The following POM121 variants were observed in gnomAD, a reference collection of about 807,000 sequenced individuals.
POM121 encodes the protein nuclear envelope pore membrane protein POM 121.
In POM121, 32 loss-of-function variants were observed where a neutral mutation model predicts 81.3. The observed-to-expected ratio is 0.39, with a 90% CI of 0.30 to 0.53. The LOEUF (loss-of-function observed/expected upper bound fraction) is 0.53. Ranked by LOEUF, POM121 falls within the 20% of genes least tolerant of loss-of-function variation. The probability of loss-of-function intolerance (pLI) is 0.66; values close to 1 mark genes in which losing one functional copy is unlikely to be tolerated. For missense variants in POM121, 1,138 were observed against 1,614.6 expected, an observed-to-expected ratio of 0.70 and a Z score of 5.06; for synonymous variants, 514 against 694.2, an observed-to-expected ratio of 0.74 and a Z score of 4.08.
At chr7:72,893,734 T>A (rs1791550054) in intron 3 of POM121, among the ~76,000 whole-genome samples, 1 of 152,184 alleles carries the variant, frequency 6.6e-6, no homozygotes, top group Non-Finnish European at 1.5e-5. Flanking sequence ...GTAGTAGGTG[T>A]GGAGTGTGGC....
intron 5 of POM121, among the ~76,000 whole-genome samples, chr7:72,937,740 C>T (rs1422477964): frequency 6.6e-6 from 1 of 152,158 alleles, no homozygotes; most frequent in Admixed American, 6.5e-5. Flanking sequence ...AGACTATTTG[C>T]AGTGTCCGCT....
In POM121 at chr7:72,892,917, G is replaced by A. The variant is rs181646024; in HGVS notation, c.-216+1807G>A. Among the ~76,000 whole-genome samples the A allele has an allele frequency of 1.4e-4, 22 of 151,834 alleles. No homozygotes were observed. In the South Asian group the frequency reaches 2.3e-3, roughly 16 times the overall value. The stretch of plus-strand genomic sequence containing the variant: ...CCTGACCTTGTGATCCACCTGCCTC[G>A]GCCTCTCAAAGTGCTAGGATTACAG... On this transcript the variant is annotated intron_variant, in intron 3 of 15. Coordinates refer to the POM121 transcript ENST00000395270.
Position 72,943,159 on chromosome 7 carries a change from G to T in POM121, c.3166G>T (p.Ala1056Ser). The T allele has an allele frequency of 6.2e-7, 1 of 1,613,410 alleles. No individual in the cohort carries two copies. Among genetic ancestry groups the T allele is most frequent in the Non-Finnish European group, 8.5e-7 (1 of 1,179,768 alleles). The change falls in exon 11 of 13, where the codon GCC becomes TCC. Residue 1056 changes from alanine (A) to serine (S), a missense_variant. Around this residue, in one of 7 missense-constraint regions of POM121, gnomAD observed 336 missense variants for 344.3 expected, o/e 0.98. Coordinates refer to ENST00000434423, the MANE Select transcript of POM121 (RefSeq NM_001387691.1). ...AFGAPASSQPAFGGSTAVFFG... is the reference protein window; with the variant it reads ...AFGAPASSQPSFGGSTAVFFG... ...CGGCGCTCCCGCCAGCTCACAGCCC[G>T]CCTTTGGCGGCTCCACTGCTGTCTT...
intron 11 of POM121, among the ~76,000 whole-genome samples, chr7:72,944,582 C>G (rs1256235266): frequency 6.6e-6 from 1 of 152,030 alleles, no homozygotes; most frequent in Non-Finnish European, 1.5e-5. Context: ...TGGGTGTAGA[C>G]CTAAGGTCAG....
At position 72,925,104 on chromosome 7, in the gene POM121, C is replaced by T; in HGVS notation, c.-18C>T. On this transcript the variant is annotated 5_prime_UTR_variant, in exon 1 of 13. Transcript: ENST00000434423. ...GCACGCTGGGATATTTAAGTCTCCT[C>T]CGCGGCGCGGAGCCGCGATGTCTCC... 2 of 1,398,602 alleles carry T rather than the reference C, an allele frequency of 1.4e-6. No homozygotes were observed. The highest frequency in any genetic ancestry group is 1.8e-6 in the Non-Finnish European group (2 of 1,091,306). The allele number at this position is 1,398,602 out of a possible 1,614,324, so 86.6% of individuals were successfully genotyped here.
At chr7:72,918,261 TC>T (rs1202976813) in intron 4 of POM121, among the ~76,000 whole-genome samples, 2 of 151,958 alleles carry the variant, frequency 1.3e-5, no homozygotes, top group Non-Finnish European at 2.9e-5. Flanking sequence ...AGACTCCCTT[TC>T]CCGGTCTGCT....
At chr7:72,922,962 CTG>C (rs1794955908), upstream of POM121, among the ~76,000 whole-genome samples, 1 of 151,828 alleles carries the variant, frequency 6.6e-6, no homozygotes, top group African/African-American at 2.4e-5. Context: ...TCTTCTTCCC[CTG>C]TTACCCAGGT....
upstream of POM121, among the ~76,000 whole-genome samples, chr7:72,923,638 C>T (rs370088049): frequency 9.0e-6 from 1 of 111,170 alleles, no homozygotes; most frequent in African/African-American, 3.5e-5. Context: ...CTCGCTCTGT[C>T]GCCCAGGCTG....
chr7:72,897,625 C>T (rs1792095277), intron 3 of POM121, among the ~76,000 whole-genome samples: 1 of 152,198 alleles, frequency 6.6e-6, no homozygotes, highest in African/African-American at 2.4e-5. Flanking sequence ...CTGGTCAAAA[C>T]AGGGGTCCTG....
intron 1 of POM121, among the ~76,000 whole-genome samples, chr7:72,886,148 A>C (rs1790683987): frequency 6.7e-6 from 1 of 149,314 alleles, no homozygotes; most frequent in African/African-American, 2.6e-5. Flanking sequence ...GTTGTTAATT[A>C]AACAGTATTT....
rs1185764257 is a variant in POM121 at position 72,925,368 on chromosome 7, G to T, written c.247G>T (p.Val83Phe). 6.6e-7 allele frequency: 1 copy of T among 1,522,954 alleles called. No homozygotes were observed. 94.3% of individuals were successfully genotyped at this position (1,522,954 alleles called of 1,614,324 possible). The stretch of plus-strand genomic sequence containing the variant: ...AGGTTCGCGCCCCTTGTCCTCCTTC[G>T]TTCGGAAGGCGCGTCATCGGCGCCC... ...PRGSRPLSSF[V>F]RKARHRRPLS... Residue 83 changes from valine to phenylalanine, a missense_variant, in exon 1 of 13, where the codon GTT becomes TTT. Physicochemically the swap from Val to Phe is conservative, Grantham distance 50. This residue lies in a region of POM121 where 646 missense variants were observed against 633.5 expected (regional missense o/e 1.02). Coordinates refer to ENST00000434423, the MANE Select transcript of POM121 (RefSeq NM_001387691.1).
chr7:72,895,066 C>T (rs1484320896), intron 3 of POM121, among the ~76,000 whole-genome samples: 3 of 152,056 alleles, frequency 2.0e-5, no homozygotes, highest in African/African-American at 7.2e-5. Flanking sequence ...GACCTCAAGC[C>T]GTCCTCCCAC....
Position 72,945,831 on chromosome 7 carries a change from G to T in POM121, c.3652+123G>T, listed in dbSNP as rs1248919588. 2.7e-6 allele frequency: 4 copies of T among 1,458,836 alleles called. No homozygotes were observed. In the Admixed American group the frequency reaches 1.0e-4, roughly 37 times the overall value. The allele number at this position is 1,458,836 out of a possible 1,614,324, so 90.4% of individuals were successfully genotyped here. A position where few individuals can be genotyped will look rare whatever the true frequency, so the allele number is the denominator to read the frequency against. On this transcript the variant is annotated intron_variant, in intron 12 of 12. Transcript: ENST00000434423. ...GTTCAGCACAGGAAAGACATTTCGG[G>T]TTAGGAGTCCAGCACAACCCAGGGA...
intron 6 of POM121, 63 bp from the exon 7 acceptor site, chr7:72,939,273 A>C: frequency 1.3e-6 from 2 of 1,584,562 alleles, no homozygotes; most frequent in Middle Eastern, 1.7e-4. Context: ...AGGGTGTGAG[A>C]AATTATTTAA....
At chr7:72,880,433 A>G (rs1790025191) in intron 1 of POM121, among the ~76,000 whole-genome samples, 1 of 152,134 alleles carries the variant, frequency 6.6e-6, no homozygotes, top group Non-Finnish European at 1.5e-5. Context: ...TTTCTCCCGT[A>G]TCCTAGTTTT....
intron 3 of POM121, among the ~76,000 whole-genome samples, chr7:72,908,540 C>A (rs2129576086): frequency 6.6e-6 from 1 of 152,286 alleles, no homozygotes; most frequent in Admixed American, 6.5e-5. Flanking sequence ...TGAGAGCAGA[C>A]AACCGGTTTG....
intron 3 of POM121, among the ~76,000 whole-genome samples, chr7:72,901,288 C>G (rs551814835): frequency 5.2e-4 from 77 of 149,138 alleles, no homozygotes; most frequent in African/African-American, 1.7e-3. Context: ...GATTATAGCT[C>G]TCTGCAGCCT....
At chr7:72,911,043 A>G (rs117330727) in intron 3 of POM121, among the ~76,000 whole-genome samples, 1,931 of 152,300 alleles carry the variant, frequency 0.013, 22 homozygotes, top group South Asian at 0.026. Flanking sequence ...TTGGAGTACA[A>G]TAGCGCAATC....
chr7:72,907,318 T>TATC (rs782019317), intron 3 of POM121, among the ~76,000 whole-genome samples: 7 of 152,210 alleles, frequency 4.6e-5, no homozygotes, highest in Non-Finnish European at 1.0e-4. Flanking sequence ...TTGTCTTGAA[T>TATC]ATCACCTCTA....
Sources: gnomAD v4.1 joint callset for allele counts (sites outside exome capture counted in the v4.1 genomes callset) on GRCh38, gnomAD v4.1.1 for gene constraint, gnomAD v4.1.1 regional missense constraint, MANE v1.5 for transcripts, NCBI Gene and HGNC (gene_info 2026-07-23, HGNC 2026-07-21) for gene names.